The following FRMD8 variants were observed in gnomAD, a reference collection of about 807,000 sequenced individuals.
FRMD8 encodes FERM domain containing 8.
A neutral mutation model predicts 54.2 loss-of-function variants in FRMD8; 37 were observed. The ratio of observed to expected loss-of-function variants is 0.68; its 90% CI spans 0.53 to 0.90. The LOEUF is 0.90. Ranked by LOEUF, FRMD8 falls within the 40% of genes least tolerant of loss-of-function variation. FRMD8 has a pLI of 0.00. For missense variants in FRMD8, 585 were observed against 653.7 expected (o/e 0.89, Z 1.15); for synonymous variants, 246 against 286.9 (o/e 0.86, Z 1.44).
At chr11:65,394,526 G>T (rs1265476018) in intron 6 of FRMD8, 101 bp downstream of exon 6, 2 of 1,407,262 alleles carry the variant, frequency 1.4e-6, no homozygotes, top group African/African-American at 1.4e-5. Context: ...TGGGGGCAGG[G>T]TCCTGGAGTC....
At chr11:65,390,324 A>T (rs1158708020) in intron 3 of FRMD8, among the ~76,000 whole-genome samples, 1 of 152,074 alleles carries the variant, frequency 6.6e-6, no homozygotes, top group African/African-American at 2.4e-5. Context: ...AGGCTGCCCC[A>T]TGTTGTTTAG....
the FRMD8 span, among the ~76,000 whole-genome samples, chr11:65,368,656 C>T: frequency 2.0e-5 from 3 of 152,108 alleles, no homozygotes; most frequent in Non-Finnish European, 2.9e-5. Flanking sequence ...CTCTGCCTCC[C>T]GGGTTCACGC....
chr11:65,378,945 G>T, the FRMD8 span: 3 of 179,490 alleles, frequency 1.7e-5, no homozygotes, highest in Non-Finnish European at 3.5e-5. Context: ...AAAGTGTAGA[G>T]CCAGGCAGGG....
intron 10 of FRMD8, among the ~76,000 whole-genome samples, chr11:65,408,262 C>T (rs1024295172): frequency 2.6e-5 from 4 of 151,746 alleles, no homozygotes; most frequent in South Asian, 2.1e-4. Flanking sequence ...TTAGTAGAGA[C>T]GGAGTTTCTC....
intron 3 of FRMD8, among the ~76,000 whole-genome samples, chr11:65,391,365 C>G (rs1855842353): frequency 6.6e-6 from 1 of 152,138 alleles, no homozygotes. Context: ...ACATCCTTGT[C>G]TCCAGGGTGT....
intron 2 of FRMD8, among the ~76,000 whole-genome samples, chr11:65,387,814 A>G (rs1208494570): frequency 1.3e-5 from 2 of 152,084 alleles, no homozygotes; most frequent in African/African-American, 2.4e-5. Context: ...CTGGGATTAC[A>G]GGCGTGAGCC....
At chr11:65,391,122 G>A (rs1183272960) in intron 3 of FRMD8, among the ~76,000 whole-genome samples, 1 of 152,286 alleles carries the variant, frequency 6.6e-6, no homozygotes, top group Non-Finnish European at 1.5e-5. Context: ...TTCTGGAGCT[G>A]CCCTTCATGC....
Position 65,387,022 on chromosome 11 carries a change from T to C in FRMD8, c.1-15T>C, listed in dbSNP as rs1384604038. ...CCTGGCTCCCGGTAACTGCTGTTTC[T>C]CTTTGCCTTTGCAGATGGACGGGAC... is the stretch of plus-strand genomic sequence containing the variant. On this transcript the variant is annotated splice_polypyrimidine_tract_variant and intron_variant, in intron 1 of 10. Transcript: ENST00000317568. The C allele has an allele frequency of 2.5e-6, 4 of 1,606,466 alleles. No individual in the cohort carries two copies. Among genetic ancestry groups the C allele is most frequent in the Non-Finnish European group, 3.4e-6 (4 of 1,178,412 alleles).
the FRMD8 span, among the ~76,000 whole-genome samples, chr11:65,373,186 G>A: frequency 1.1e-4 from 16 of 152,234 alleles, no homozygotes; most frequent in African/African-American, 3.6e-4. Context: ...GCAGTGAGCC[G>A]AGATCGTGCC....
At chr11:65,374,733 C>G in the FRMD8 span, among the ~76,000 whole-genome samples, 1,373 of 152,208 alleles carry the variant, frequency 9.0e-3, 18 homozygotes, top group African/African-American at 0.031. Flanking sequence ...TTTGGGAGGC[C>G]AAGGTGGGAG....
At chr11:65,378,688 T>A in the FRMD8 span, 3 of 152,348 alleles carry the variant, frequency 2.0e-5, no homozygotes, top group Middle Eastern at 3.1e-3. Context: ...TGGGGGCAGC[T>A]GCCCAGGAGA....
At chr11:65,381,784 C>G (rs1442553444), upstream of FRMD8, 2 of 1,161,568 alleles carry the variant, frequency 1.7e-6, no homozygotes, top group Non-Finnish European at 2.6e-6. Context: ...TCTCAAACTC[C>G]TGGGCTCAAG....
At chr11:65,398,192 G>A (rs1855997700) in intron 7 of FRMD8, among the ~76,000 whole-genome samples, 1 of 152,010 alleles carries the variant, frequency 6.6e-6, no homozygotes, top group African/African-American at 2.4e-5. Flanking sequence ...TAGAGACGGG[G>A]TTTTGCCTGT....
chr11:65,406,483 T>C (rs1409372450), intron 10 of FRMD8, among the ~76,000 whole-genome samples: 2 of 130,582 alleles, frequency 1.5e-5, no homozygotes, highest in Admixed American at 8.3e-5. Context: ...TGTGAGCCAC[T>C]GCACCCGGCC....
At chr11:65,375,190 C>T in the FRMD8 span, 5 of 152,148 alleles carry the variant, frequency 3.3e-5, no homozygotes, top group Non-Finnish European at 5.9e-5. Flanking sequence ...GGAGTGCAGT[C>T]GCATCATTTA....
chr11:65,379,008 A>T, the FRMD8 span: 1 of 262,262 alleles, frequency 3.8e-6, no homozygotes, highest in Non-Finnish European at 7.4e-6. Flanking sequence ...CTGGGCTCAC[A>T]GCTCTGCGGG....
At chr11:65,405,214 C>G (rs922416437) in intron 10 of FRMD8, 146 bp downstream of exon 10, 1 of 743,622 alleles carries the variant, frequency 1.3e-6, no homozygotes, top group East Asian at 2.7e-5. Flanking sequence ...GTGAGCAGGC[C>G]GAGCCCGGGC....
At chr11:65,371,151 G>T in the FRMD8 span, among the ~76,000 whole-genome samples, 1 of 152,142 alleles carries the variant, frequency 6.6e-6, no homozygotes, top group African/African-American at 2.4e-5. Flanking sequence ...CACATTCACA[G>T]CATGGACCCC....
At chr11:65,379,556 C>G in the FRMD8 span, 2 of 1,605,640 alleles carry the variant, frequency 1.2e-6, no homozygotes, top group African/African-American at 2.7e-5. Context: ...TGAAGAAGCC[C>G]AGGAGCTGCA....
Sources: allele counts gnomAD v4.1 joint callset (sites outside exome capture counted in the v4.1 genomes callset), GRCh38; gene constraint gnomAD v4.1.1; transcripts MANE v1.5; gene names NCBI Gene and HGNC (gene_info 2026-07-23, HGNC 2026-07-21).